The following FHIT variants were observed in gnomAD, a reference collection of about 807,000 sequenced individuals.
FHIT encodes fragile histidine triad diadenosine triphosphatase, also known as bis(5'-adenosyl)-triphosphatase.
A neutral mutation model predicts 17.9 loss-of-function variants in FHIT; 19 were observed. The ratio of observed to expected loss-of-function variants is 1.06; its 90% CI spans 0.74 to 1.56. The LOEUF (loss-of-function observed/expected upper bound fraction) is 1.56. Ranked by LOEUF, FHIT falls within the 40% of genes most tolerant of loss-of-function variation. FHIT has a pLI of 0.00. For synonymous variants in FHIT, 81 were observed against 69.7 expected (o/e 1.16, Z -0.81); for missense variants, 248 against 189.2 (o/e 1.31, Z -1.82).
chr3:60,586,773 A>T (rs2037921127), intron 4 of FHIT, among the ~76,000 whole-genome samples: 1 of 152,068 alleles, frequency 6.6e-6, no homozygotes. Context: ...GAGCTTACTC[A>T]TAACTAGGTG....
rs565708559 is a variant in FHIT at position 61,198,082 on chromosome 3, A to C, written c.-164+2535T>G. 3.9e-5 allele frequency among the ~76,000 whole-genome samples: 6 copies of C among 152,228 alleles called. No homozygotes were observed. In the South Asian group the frequency reaches 6.2e-4, roughly 16 times the overall value. On this transcript the variant is annotated intron_variant, in intron 2 of 9. Coordinates refer to ENST00000492590, the MANE Select transcript of FHIT (RefSeq NM_002012.4). Reference sequence around the variant, plus strand: ...TGGCATTTTAATTGTAAACCTCCAAACATACCATATTTATTCCAGATCTAG... The same window carrying C: ...TGGCATTTTAATTGTAAACCTCCAACCATACCATATTTATTCCAGATCTAG...
chr3:60,857,865 C>A (rs1703451849), intron 3 of FHIT, among the ~76,000 whole-genome samples: 1 of 152,166 alleles, frequency 6.6e-6, no homozygotes, highest in Non-Finnish European at 1.5e-5. Flanking sequence ...GAGTTCAAGG[C>A]TGCAGTGAGC....
intron 3 of FHIT, among the ~76,000 whole-genome samples, chr3:61,039,258 G>A (rs946831391): frequency 3.9e-5 from 6 of 152,046 alleles, no homozygotes; most frequent in East Asian, 1.9e-4. Context: ...TTTTGACAAA[G>A]ACTACCCTTG....
intron 5 of FHIT, among the ~76,000 whole-genome samples, chr3:60,430,949 C>T (rs922403199): frequency 1.3e-5 from 2 of 152,082 alleles, no homozygotes; most frequent in African/African-American, 4.8e-5. Flanking sequence ...CGGTGGCTCA[C>T]ACCTGCAACC....
chr3:61,025,033 C>T (rs2032660641), intron 3 of FHIT, among the ~76,000 whole-genome samples: 1 of 138,670 alleles, frequency 7.2e-6, no homozygotes, highest in Admixed American at 6.9e-5. Flanking sequence ...TCTCTCCACT[C>T]TCCATTTCCA....
chr3:60,945,605 G>A (rs562420103), intron 3 of FHIT, among the ~76,000 whole-genome samples: 1 of 152,258 alleles, frequency 6.6e-6, no homozygotes, highest in Admixed American at 6.5e-5. Context: ...TGTTGGCCAA[G>A]CTGGTCTCAA....
chr3:60,244,708 C>T (rs1705304390), intron 5 of FHIT, among the ~76,000 whole-genome samples: 2 of 152,056 alleles, frequency 1.3e-5, no homozygotes, highest in Non-Finnish European at 2.9e-5. Flanking sequence ...ACACGTGTTG[C>T]TTGTTTATGA....
chr3:59,994,693 G>C (rs1421799854), intron 7 of FHIT, among the ~76,000 whole-genome samples: 2 of 152,012 alleles, frequency 1.3e-5, no homozygotes, highest in Admixed American at 1.3e-4. Flanking sequence ...ACGGCCCCAA[G>C]TGTCTTTCCA....
chr3:60,984,901 T>C (rs1024768023), intron 3 of FHIT, among the ~76,000 whole-genome samples: 9 of 152,000 alleles, frequency 5.9e-5, no homozygotes, highest in African/African-American at 2.2e-4. Context: ...TTCAAACACA[T>C]AATGATAAAA....
At chr3:60,117,541 A>G (rs1705027520) in intron 5 of FHIT, among the ~76,000 whole-genome samples, 1 of 149,674 alleles carries the variant, frequency 6.7e-6, no homozygotes, top group Non-Finnish European at 1.5e-5. Flanking sequence ...TCACCTAGGT[A>G]ATTATATTTT....
rs1042524319 is a variant in FHIT at position 61,161,241 on chromosome 3, C to T, written c.-164+39376G>A. The stretch of plus-strand genomic sequence containing the variant: ...TTTTTTAGATGGAGGTTTGCTTTGT[C>T]GCCCAGGCTGGAGTGCAGTGGCGCA... On this transcript the variant is annotated intron_variant, in intron 2 of 9. Coordinates refer to ENST00000492590, the MANE Select transcript of FHIT (RefSeq NM_002012.4). 4.0e-5 allele frequency among the ~76,000 whole-genome samples: 6 copies of T among 149,784 alleles called. No homozygotes were observed. The East Asian group carries it at 7.8e-4, about 20-fold the overall frequency.
chr3:59,767,878 T>C (rs1269588244), intron 8 of FHIT, among the ~76,000 whole-genome samples: 1 of 152,170 alleles, frequency 6.6e-6, no homozygotes, highest in African/African-American at 2.4e-5. Context: ...CATATAACAA[T>C]ACATAGCATT....
chr3:60,174,893 C>A (rs1701598229), intron 5 of FHIT, among the ~76,000 whole-genome samples: 1 of 152,076 alleles, frequency 6.6e-6, no homozygotes, highest in South Asian at 2.1e-4. Flanking sequence ...CTGGATATCT[C>A]ATATAAATGC....
chr3:60,624,601 A>C (rs2039229112), intron 4 of FHIT, among the ~76,000 whole-genome samples: 1 of 152,216 alleles, frequency 6.6e-6, no homozygotes, highest in Non-Finnish European at 1.5e-5. Flanking sequence ...TACCAAGAAG[A>C]AAAACTGGAT....
At chr3:60,306,936 A>T (rs1708698303) in intron 5 of FHIT, among the ~76,000 whole-genome samples, 1 of 152,056 alleles carries the variant, frequency 6.6e-6, no homozygotes. Context: ...CAGTAATAAG[A>T]CCTCTATGCT....
chr3:61,078,144 C>T (rs578045250), intron 2 of FHIT, among the ~76,000 whole-genome samples: 1 of 152,224 alleles, frequency 6.6e-6, no homozygotes, highest in East Asian at 1.9e-4. Context: ...GCATGCAACA[C>T]TGGGTAATCT....
intron 4 of FHIT, among the ~76,000 whole-genome samples, chr3:60,655,631 C>T (rs1553689372): frequency 6.6e-6 from 1 of 152,040 alleles, no homozygotes; most frequent in South Asian, 2.1e-4. Flanking sequence ...CAAAGATTAT[C>T]CAGTATCAAG....
chr3:61,156,200 T>A (rs2037529148), intron 2 of FHIT, among the ~76,000 whole-genome samples: 1 of 152,344 alleles, frequency 6.6e-6, no homozygotes, highest in East Asian at 1.9e-4. Flanking sequence ...TTGCTTTTTA[T>A]CCTGCTGTAA....
At chr3:60,174,307 C>T (rs916058799) in intron 5 of FHIT, among the ~76,000 whole-genome samples, 5 of 152,198 alleles carry the variant, frequency 3.3e-5, no homozygotes, top group Non-Finnish European at 5.9e-5. Flanking sequence ...AAGGGACCCA[C>T]CCAAGCCCCT....
Sources: gnomAD v4.1 joint callset for allele counts (sites outside exome capture counted in the v4.1 genomes callset) on GRCh38, gnomAD v4.1.1 for gene constraint, MANE v1.5 for transcripts, NCBI Gene and HGNC (gene_info 2026-07-23, HGNC 2026-07-21) for gene names.